The following WWOX variants were observed in gnomAD, a reference collection of about 807,000 sequenced individuals.
The protein encoded by WWOX is WW domain-containing oxidoreductase.
Under a neutral mutation model 46.2 loss-of-function variants are expected in WWOX, and 69 were observed. The ratio of observed to expected loss-of-function variants is 1.49; its 90% CI spans 1.23 to 1.82. WWOX has a LOEUF of 1.82. WWOX is among the 40% of genes most tolerant of loss of function. The pLI is 0.00. For synonymous variants in WWOX, 359 were observed against 202.6 expected (o/e 1.77, Z -6.56); for missense variants, 919 against 542.6 (o/e 1.69, Z -6.89).
At chr16:78,193,442 C>G (rs76084566) in intron 5 of WWOX, among the ~76,000 whole-genome samples, 1 of 94,232 alleles carries the variant, frequency 1.1e-5, no homozygotes, top group Non-Finnish European at 2.2e-5. Flanking sequence ...ACATCTGAGT[C>G]AGGAAAACAT....
intron 5 of WWOX, among the ~76,000 whole-genome samples, chr16:78,374,445 C>A (rs1425063512): frequency 6.6e-6 from 1 of 151,246 alleles, no homozygotes; most frequent in Non-Finnish European, 1.5e-5. Context: ...GTAGCTACTC[C>A]AAATGACGCA....
intron 4 of WWOX, among the ~76,000 whole-genome samples, chr16:78,150,144 C>T (rs1338891566): frequency 6.6e-6 from 1 of 152,176 alleles, no homozygotes; most frequent in African/African-American, 2.4e-5. Flanking sequence ...CCACGACCAT[C>T]TCCTCAGGCT....
chr16:79,029,170 G>A (rs968374084), intron 8 of WWOX, among the ~76,000 whole-genome samples: 2 of 152,128 alleles, frequency 1.3e-5, no homozygotes, highest in African/African-American at 2.4e-5. Context: ...ACCTCTGGAG[G>A]CCCCAGGCTG....
chr16:78,601,846 AGATCCCTACTCG>A (rs57067286), intron 8 of WWOX, among the ~76,000 whole-genome samples: 15 of 142,612 alleles, frequency 1.1e-4, no homozygotes, highest in African/African-American at 4.6e-4. Flanking sequence ...TCGACTCTGC[AGATCCCTACTCG>A]GAGTTTTTCA....
At chr16:78,516,219 C>T (rs1597198444) in intron 8 of WWOX, among the ~76,000 whole-genome samples, 1 of 152,158 alleles carries the variant, frequency 6.6e-6, no homozygotes, top group Non-Finnish European at 1.5e-5. Flanking sequence ...CTTCTCTGAG[C>T]TCTTCCATCC....
intron 8 of WWOX, among the ~76,000 whole-genome samples, chr16:78,754,089 T>G (rs2049571836): frequency 1.3e-5 from 2 of 151,872 alleles, no homozygotes; most frequent in Admixed American, 1.3e-4. Flanking sequence ...CATTGCTAAG[T>G]ATTATTAGAT....
intron 8 of WWOX, among the ~76,000 whole-genome samples, chr16:78,565,370 T>C (rs549936515): frequency 8.5e-5 from 13 of 152,326 alleles, no homozygotes; most frequent in East Asian, 7.7e-4. Context: ...AGAATCTGTT[T>C]CCTTGCGTTT....
At chr16:78,190,434 A>G (rs1379421449) in intron 5 of WWOX, among the ~76,000 whole-genome samples, 6 of 152,166 alleles carry the variant, frequency 3.9e-5, no homozygotes, top group Non-Finnish European at 7.4e-5. Flanking sequence ...AGTTTCTGTC[A>G]CTTGCAACCA....
intron 8 of WWOX, among the ~76,000 whole-genome samples, chr16:78,436,619 A>G (rs1411591920): frequency 6.6e-6 from 1 of 152,202 alleles, no homozygotes; most frequent in Non-Finnish European, 1.5e-5. Context: ...TGCCATTGAA[A>G]GTAATACGTC....
Position 78,280,301 on chromosome 16 carries a change from G to A in WWOX, c.517-106559G>A, listed in dbSNP as rs897194295. On this transcript the variant is annotated intron_variant, in intron 5 of 8. Transcript: ENST00000566780. The stretch of plus-strand genomic sequence containing the variant: ...AAATATTTGGAATTGTAGTTGTAAT[G>A]ATAGATATTATATATATTTCACATG... Among the ~76,000 whole-genome samples the A allele has an allele frequency of 5.9e-5, 9 of 152,310 alleles. 1 individual carries two copies. The highest frequency in any genetic ancestry group is 3.9e-4 in the East Asian group (2 of 5,180).
At chr16:78,548,032 G>C (rs939232210) in intron 8 of WWOX, among the ~76,000 whole-genome samples, 1 of 151,662 alleles carries the variant, frequency 6.6e-6, no homozygotes, top group African/African-American at 2.4e-5. Context: ...GTGAATGCCT[G>C]TAATCTCAGG....
At chr16:78,803,271 A>C (rs2050943925) in intron 8 of WWOX, among the ~76,000 whole-genome samples, 3 of 150,754 alleles carry the variant, frequency 2.0e-5, no homozygotes, top group Non-Finnish European at 4.4e-5. Context: ...CCAAACCACC[A>C]CGTGCTCTTG....
chr16:78,425,481 G>C (rs565312992), intron 7 of WWOX, among the ~76,000 whole-genome samples: 2 of 152,282 alleles, frequency 1.3e-5, no homozygotes, highest in South Asian at 4.2e-4. Context: ...TAGGGAATTC[G>C]AGGCAGACAT....
At chr16:78,168,030 C>T (rs1487577389) in intron 5 of WWOX, 1 of 152,124 alleles carries the variant, frequency 6.6e-6, no homozygotes, top group Admixed American at 6.5e-5. Flanking sequence ...AGTGTCGGGG[C>T]CGGGAAGGTA....
rs112583194 is a variant in WWOX, at chr16:78,318,633, C to G, written c.517-68227C>G. Reference sequence around the variant, plus strand: ...GTTGTAGAATGGGAATAGTACCCACCTTATAGGCTTGCTGTGGGGAGTAAG... The same window carrying G: ...GTTGTAGAATGGGAATAGTACCCACGTTATAGGCTTGCTGTGGGGAGTAAG... On this transcript the variant is annotated intron_variant, in intron 5 of 8. Transcript: ENST00000566780. Among the ~76,000 whole-genome samples, 1,155 of 152,212 alleles carry G rather than the reference C, an allele frequency of 7.6e-3. 17 individuals are homozygous for G. Among genetic ancestry groups the G allele is most frequent in the African/African-American group, 0.027 (1,105 of 41,542 alleles).
intron 8 of WWOX, among the ~76,000 whole-genome samples, chr16:78,682,156 C>T (rs918570492): frequency 4.6e-5 from 7 of 152,146 alleles, no homozygotes; most frequent in Admixed American, 2.0e-4. Flanking sequence ...TTTATTTTTA[C>T]TAATTATTTT....
At chr16:78,785,434 C>T (rs2050432326) in intron 8 of WWOX, among the ~76,000 whole-genome samples, 1 of 152,188 alleles carries the variant, frequency 6.6e-6, no homozygotes, top group African/African-American at 2.4e-5. Flanking sequence ...CAGTGGTGTG[C>T]TGGTAAATGA....
chr16:78,601,100 C>T (rs371810046), intron 8 of WWOX, among the ~76,000 whole-genome samples: 3 of 152,180 alleles, frequency 2.0e-5, no homozygotes, highest in African/African-American at 7.2e-5. Context: ...CTTCAGGACT[C>T]AGGGTGTATA....
chr16:79,029,090 A>C (rs2047702474), intron 8 of WWOX, among the ~76,000 whole-genome samples: 1 of 149,006 alleles, frequency 6.7e-6, no homozygotes, highest in Non-Finnish European at 1.5e-5. Context: ...CCATTTGGGC[A>C]AACAGGCCAG....
Sources: allele counts gnomAD v4.1 joint callset (sites outside exome capture counted in the v4.1 genomes callset), GRCh38; gene constraint gnomAD v4.1.1; transcripts MANE v1.5; gene names NCBI Gene and HGNC (gene_info 2026-07-23, HGNC 2026-07-21).